UTP20: variants seen among roughly 807,000 people sequenced by gnomAD.
UTP20 encodes UTP20 small subunit processome component.
A neutral mutation model predicts 329.5 loss-of-function variants in UTP20; 164 were observed. The ratio of observed to expected loss-of-function variants is 0.50; its 90% CI spans 0.44 to 0.57. The LOEUF (loss-of-function observed/expected upper bound fraction) is 0.57, where lower values mean the gene tolerates loss of function less well. Ranked by LOEUF, UTP20 falls within the 20% of genes least tolerant of loss-of-function variation. The pLI, the probability that UTP20 is intolerant of heterozygous loss-of-function variation, is 0.00. For synonymous variants in UTP20, 1,151 were observed against 1,159.3 expected, an observed-to-expected ratio of 0.99 and a Z score of 0.14; for missense variants, 3,055 against 3,284.2, an observed-to-expected ratio of 0.93 and a Z score of 1.71.
chr12:101,371,191 C>T (rs1225575287), intron 51 of UTP20, 23 bp downstream of exon 51: 1 of 1,554,446 alleles, frequency 6.4e-7, no homozygotes, highest in East Asian at 2.3e-5. Flanking sequence ...CACTTATCCC[C>T]ATAGCAAGGG....
chr12:101,311,993 G>A, intron 20 of UTP20, 43 bp from the exon 21 acceptor site: 1 of 1,611,726 alleles, frequency 6.2e-7, no homozygotes, highest in Non-Finnish European at 8.5e-7. Flanking sequence ...TAAGATAAAT[G>A]TTGATATTTG....
intron 26 of UTP20, among the ~76,000 whole-genome samples, chr12:101,327,802 T>C (rs1224820111): frequency 6.6e-6 from 1 of 152,206 alleles, no homozygotes; most frequent in Non-Finnish European, 1.5e-5. Context: ...GCAGTGTCAG[T>C]AATTATTAAT....
At chr12:101,376,118 C>A (rs1415048747) in intron 56 of UTP20, among the ~76,000 whole-genome samples, 1 of 152,060 alleles carries the variant, frequency 6.6e-6, no homozygotes, top group African/African-American at 2.4e-5. Context: ...TACTTGTGGT[C>A]TATATTTCCA....
In UTP20 at chr12:101,293,196, T is replaced by C. The variant is rs1238612281; in HGVS notation, c.1202T>C (p.Leu401Ser). The C allele has an allele frequency of 6.2e-7, 1 of 1,614,120 alleles. No homozygotes were observed. Among genetic ancestry groups the C allele is most frequent in the African/African-American group, 1.3e-5 (1 of 75,064 alleles). ...KIFESRFEKR[L>S]IFSFSEVMFA... ...TTTGAGAGCAGATTTGAAAAACGTT[T>C]AATTTTCAGTTTTTCTGAAGTCATG... is the stretch of plus-strand genomic sequence containing the variant. The change falls in exon 11 of 62, where the codon TTA (leucine) becomes TCA (serine). Residue 401 changes from leucine (L) to serine (S), a missense_variant. By Grantham distance (145) the Leu-to-Ser change is moderately radical (BLOSUM62 -2). Coordinates refer to ENST00000261637, the MANE Select transcript of UTP20 (RefSeq NM_014503.3).
rs1872468473 is a variant in UTP20, at chr12:101,299,802, A to G, written c.1551A>G (p.Gln517=). 9.9e-6 allele frequency: 16 copies of G among 1,612,398 alleles called. No homozygotes were observed. The highest frequency in any genetic ancestry group is 1.4e-5 in the Non-Finnish European group (16 of 1,179,512). ...ATAAAGATACTACTTACCTTTCACA[A>G]TCTTGGGCAGCCCTCGTGGTGTTAC... The part of the protein sequence containing the change: ...PPNKDTTYLS[Q]SWAALVVLPH... The change falls in exon 13 of 62, where the codon CAA becomes CAG. Residue 517 remains glutamine (Q), a synonymous_variant. Coordinates refer to ENST00000261637, the MANE Select transcript of UTP20 (RefSeq NM_014503.3).
chr12:101,381,082 TA>T, intron 57 of UTP20, 57 bp from the exon 58 acceptor site: 1 of 1,445,848 alleles, frequency 6.9e-7, no homozygotes, highest in South Asian at 1.1e-5. Flanking sequence ...TTTAGCTTTT[TA>T]AAAACAATCA....
chr12:101,366,532 CT>C (rs1428617731), intron 46 of UTP20, 25 bp from the exon 47 acceptor site: 2 of 1,601,870 alleles, frequency 1.2e-6, no homozygotes, highest in Non-Finnish European at 8.5e-7. Context: ...GTTCTTTACC[CT>C]CTTCTCATGC....
chr12:101,291,657 G>T, intron 8 of UTP20, 85 bp from the exon 9 acceptor site: 2 of 1,337,696 alleles, frequency 1.5e-6, no homozygotes, highest in Non-Finnish European at 2.0e-6. Context: ...AATGGGAAAA[G>T]TTGAACTGTC....
intron 29 of UTP20, 23 bp from the exon 30 acceptor site, chr12:101,338,028 T>C: frequency 3.1e-6 from 5 of 1,605,248 alleles, no homozygotes; most frequent in Non-Finnish European, 4.3e-6. Flanking sequence ...ATAAGATGAT[T>C]ACTACAATGT....
At chr12:101,292,628 G>A (rs1872200099) in intron 10 of UTP20, among the ~76,000 whole-genome samples, 1 of 152,158 alleles carries the variant, frequency 6.6e-6, no homozygotes, top group African/African-American at 2.4e-5. Flanking sequence ...AGTCAGAAGC[G>A]GGGTTAAAAA....
At chr12:101,338,331 T>C in intron 30 of UTP20, 54 bp downstream of exon 30, 1 of 1,569,934 alleles carries the variant, frequency 6.4e-7, no homozygotes. Flanking sequence ...AGCAATTGTT[T>C]CCTTAGAAGA....
At chr12:101,363,489 C>T in intron 44 of UTP20, 87 bp from the exon 45 acceptor site, 1 of 1,210,944 alleles carries the variant, frequency 8.3e-7, no homozygotes. Flanking sequence ...TTGATTTGGA[C>T]ATACCAGGGC....
Position 101,312,136 on chromosome 12 carries a change from G to C in UTP20, c.2412G>C (p.Gln804His). 6.2e-7 allele frequency: 1 copy of C among 1,614,214 alleles called. No individual in the cohort carries two copies. The highest frequency in any genetic ancestry group is 8.5e-7 in the Non-Finnish European group (1 of 1,180,034). The change falls in exon 21 of 62, where the codon CAG (glutamine) becomes CAC (histidine). Residue 804 changes from glutamine to histidine, a missense_variant. Around this residue, in one of 3 missense-constraint regions of UTP20, gnomAD observed 2,445 missense variants for 2,575.5 expected, o/e 0.95. Transcript: ENST00000261637. ...EGDVGALYHE[Q>H]LALKTDCQER... ...ATGTTGGAGCTCTTTATCATGAGCAGTTAGCATTGAAAACTGACTGTCAGG... is the reference window on the plus strand; with the variant it reads ...ATGTTGGAGCTCTTTATCATGAGCACTTAGCATTGAAAACTGACTGTCAGG...
chr12:101,287,188 G>T (rs1593416689), intron 5 of UTP20, among the ~76,000 whole-genome samples: 1 of 152,190 alleles, frequency 6.6e-6, no homozygotes, highest in Non-Finnish European at 1.5e-5. Flanking sequence ...AATGGTGTAT[G>T]CATGGTATGG....
chr12:101,369,336 G>A (rs1355221123), intron 48 of UTP20, among the ~76,000 whole-genome samples: 1 of 152,146 alleles, frequency 6.6e-6, no homozygotes, highest in African/African-American at 2.4e-5. Context: ...TTAAAAATAT[G>A]GCTGGGCATG....
Position 101,356,616 on chromosome 12 carries a change from T to C in UTP20, c.5457T>C (p.Val1819=). 6.2e-7 allele frequency: 1 copy of C among 1,614,026 alleles called. No individual in the cohort carries two copies. Among genetic ancestry groups the C allele is most frequent in the South Asian group, 1.1e-5 (1 of 91,042 alleles). The change falls in exon 42 of 62, where the codon GTT becomes GTC. Residue 1819 remains valine (V), a synonymous_variant. Coordinates refer to ENST00000261637, the MANE Select transcript of UTP20 (RefSeq NM_014503.3). ...KSKVVNDEEV[V]RVPLAFAMVK... ...AGGTTGTGAATGATGAGGAAGTCGT[T>C]CGAGTTCCATTAGCTTTTGCCATGG...
At position 101,381,018 on chromosome 12, in the gene UTP20, C is replaced by T. The variant is rs781166435; in HGVS notation, c.7585-122C>T. 4 of 767,894 alleles carry T rather than the reference C, an allele frequency of 5.2e-6. No homozygotes were observed. In the Admixed American group the frequency reaches 7.9e-5, roughly 15 times the overall value. 47.6% of individuals were successfully genotyped at this position (767,894 alleles called of 1,614,324 possible). A position where few individuals can be genotyped will look rare whatever the true frequency, so the allele number is the denominator to read the frequency against. ...TGAACCTTTCCTCTCCAAATCTATA[C>T]AGGTGGTCATTCAGAGCAAAATCCA... On this transcript the variant is annotated intron_variant, in intron 57 of 61. Coordinates refer to ENST00000261637, the MANE Select transcript of UTP20 (RefSeq NM_014503.3).
At chr12:101,358,140 G>A (rs888559998) in intron 43 of UTP20, among the ~76,000 whole-genome samples, 3 of 152,178 alleles carry the variant, frequency 2.0e-5, no homozygotes, top group African/African-American at 7.2e-5. Flanking sequence ...CAGACTGTAA[G>A]TCTAACACAC....
chr12:101,381,190 G>A lies in UTP20; in HGVS notation c.7635G>A (p.Leu2545=), dbSNP rs190348702. The change falls in exon 58 of 62, where the codon TTG becomes TTA. Residue 2545 remains leucine, a synonymous_variant. Transcript: ENST00000261637. The part of the protein sequence containing the change: ...ASCHQLHSKF[L]DQSLGEQVVK... The stretch of plus-strand genomic sequence containing the variant: ...GCCATCAATTGCATTCCAAATTCTT[G>A]GATCAGTCTCTAGGAGAACAGGTAA... The A allele has an allele frequency of 8.7e-6, 14 of 1,613,834 alleles. No homozygotes were observed. In the Admixed American group the frequency reaches 2.3e-4, roughly 27 times the overall value.
Sources: allele counts gnomAD v4.1 joint callset (sites outside exome capture counted in the v4.1 genomes callset), GRCh38; gene constraint gnomAD v4.1.1; regional missense constraint gnomAD v4.1.1; transcripts MANE v1.5; gene names NCBI Gene and HGNC (gene_info 2026-07-23, HGNC 2026-07-21).